RANBP2: variants seen among roughly 807,000 people sequenced by gnomAD.
The protein encoded by RANBP2 is E3 SUMO-protein ligase RanBP2.
A neutral mutation model predicts 303.6 loss-of-function variants in RANBP2; 57 were observed. The ratio of observed to expected loss-of-function variants is 0.19; its 90% CI spans 0.15 to 0.23. The LOEUF (loss-of-function observed/expected upper bound fraction) is 0.23. Among genes scored for constraint, RANBP2 ranks in the 10% least tolerant of loss-of-function variants. RANBP2 has a pLI of 1.00. For missense variants in RANBP2, 3,138 were observed against 3,780.8 expected (o/e 0.83, Z 4.46); for synonymous variants, 1,167 against 1,301.5 (o/e 0.90, Z 2.23).
chr2:108,898,717 A>T, the RANBP2 span, among the ~76,000 whole-genome samples: 1 of 152,236 alleles, frequency 6.6e-6, no homozygotes, highest in Admixed American at 6.5e-5. Flanking sequence ...CAAAAATAGA[A>T]ATCCTCAGGA....
At chr2:108,751,844 A>C in intron 11 of RANBP2, 27 bp from the exon 12 acceptor site, 1 of 1,612,026 alleles carries the variant, frequency 6.2e-7, no homozygotes, top group Non-Finnish European at 8.5e-7. Flanking sequence ...TTAGAAAGCA[A>C]TTTTAGTAAA....
chr2:108,898,363 C>A, the RANBP2 span, among the ~76,000 whole-genome samples: 1 of 152,140 alleles, frequency 6.6e-6, no homozygotes, highest in Non-Finnish European at 1.5e-5. Flanking sequence ...AAAAAGGAAT[C>A]CCCCTTGAGT....
the RANBP2 span, among the ~76,000 whole-genome samples, chr2:109,153,854 G>A: frequency 1.3e-5 from 2 of 152,316 alleles, no homozygotes; most frequent in South Asian, 4.1e-4. Flanking sequence ...CTGACTCCTG[G>A]TCTCCCACTG....
chr2:109,661,685 G>A, the RANBP2 span, among the ~76,000 whole-genome samples: 3 of 152,204 alleles, frequency 2.0e-5, no homozygotes, highest in Non-Finnish European at 4.4e-5. Flanking sequence ...GAAAGTGCAA[G>A]ACATGGGGCA....
At chr2:109,048,774 T>C in the RANBP2 span, among the ~76,000 whole-genome samples, 1 of 152,320 alleles carries the variant, frequency 6.6e-6, no homozygotes, top group Non-Finnish European at 1.5e-5. Flanking sequence ...GGGTTGGAGA[T>C]GGAATAAAGA....
the RANBP2 span, among the ~76,000 whole-genome samples, chr2:109,009,912 T>C: frequency 6.6e-6 from 1 of 152,232 alleles, no homozygotes; most frequent in South Asian, 2.1e-4. Context: ...TACATGCAAC[T>C]TTGTGTGCTG....
the RANBP2 span, among the ~76,000 whole-genome samples, chr2:109,495,876 C>A: frequency 6.6e-6 from 1 of 152,014 alleles, no homozygotes; most frequent in African/African-American, 2.4e-5. Context: ...TTGTAAATCA[C>A]CTAGATTAAC....
the RANBP2 span, among the ~76,000 whole-genome samples, chr2:109,081,727 C>T: frequency 3.3e-5 from 5 of 152,184 alleles, no homozygotes; most frequent in Non-Finnish European, 7.3e-5. Context: ...TTGAGCAACC[C>T]CTCGGCCCCA....
the RANBP2 span, among the ~76,000 whole-genome samples, chr2:109,132,276 G>C: frequency 3.5e-4 from 53 of 152,244 alleles, no homozygotes; most frequent in African/African-American, 1.2e-3. Context: ...ATATAGGTAA[G>C]TATTGGCATA....
chr2:108,751,170 A>G, intron 9 of RANBP2, 94 bp from the exon 10 acceptor site: 1 of 1,533,854 alleles, frequency 6.5e-7, no homozygotes, highest in South Asian at 1.2e-5. Context: ...TTATATAATT[A>G]AGATATATAT....
chr2:108,818,059 A>C, the RANBP2 span, among the ~76,000 whole-genome samples: 1 of 152,194 alleles, frequency 6.6e-6, no homozygotes, highest in Admixed American at 6.5e-5. Flanking sequence ...TAATCCTTGC[A>C]CTTCGGGAGG....
chr2:108,874,902 T>G, the RANBP2 span, among the ~76,000 whole-genome samples: 1 of 142,720 alleles, frequency 7.0e-6, no homozygotes, highest in African/African-American at 2.5e-5. Flanking sequence ...TTAATTCTTT[T>G]TTACTTCTTA....
At chr2:109,739,539 T>A in the RANBP2 span, among the ~76,000 whole-genome samples, 1 of 152,242 alleles carries the variant, frequency 6.6e-6, no homozygotes, top group African/African-American at 2.4e-5. Context: ...ACTGCTGCCA[T>A]ATAGAAATGC....
At chr2:108,734,019 T>C (rs1208778869) in intron 4 of RANBP2, among the ~76,000 whole-genome samples, 3 of 151,416 alleles carry the variant, frequency 2.0e-5, no homozygotes, top group Non-Finnish European at 2.9e-5. Flanking sequence ...TAGAACTTTT[T>C]AAAAAGCACT....
At chr2:109,059,574 T>C in the RANBP2 span, among the ~76,000 whole-genome samples, 9 of 144,558 alleles carry the variant, frequency 6.2e-5, no homozygotes, top group South Asian at 2.1e-4. Context: ...AGGCTCCGTC[T>C]CAAAAAAAAA....
the RANBP2 span, among the ~76,000 whole-genome samples, chr2:109,625,941 T>A: frequency 6.6e-6 from 1 of 152,134 alleles, no homozygotes; most frequent in Non-Finnish European, 1.5e-5. Flanking sequence ...CTGAACTAGA[T>A]CTGTGGTGTT....
chr2:108,903,121 T>C, the RANBP2 span, among the ~76,000 whole-genome samples: 1 of 152,212 alleles, frequency 6.6e-6, no homozygotes, highest in East Asian at 1.9e-4. Context: ...GTATGGCTAC[T>C]GAATTTAAAT....
the RANBP2 span, among the ~76,000 whole-genome samples, chr2:109,280,739 C>T: frequency 1.3e-5 from 2 of 152,196 alleles, no homozygotes; most frequent in Non-Finnish European, 2.9e-5. Context: ...GGGGCTCACC[C>T]GATGAGGGCT....
the RANBP2 span, among the ~76,000 whole-genome samples, chr2:109,596,388 T>C: frequency 1.6e-4 from 24 of 152,050 alleles, no homozygotes; most frequent in East Asian, 2.7e-3. Context: ...GAGGCCGAGG[T>C]GGGTGGATCA....
Sources: gnomAD v4.1 joint callset for allele counts (sites outside exome capture counted in the v4.1 genomes callset) on GRCh38, gnomAD v4.1.1 for gene constraint, MANE v1.5 for transcripts, NCBI Gene and HGNC (gene_info 2026-07-23, HGNC 2026-07-21) for gene names.